Variants in CCN1 observed in about 807,000 individuals in gnomAD.
CCN1 encodes CCN family member 1.
Under a neutral mutation model 38.1 loss-of-function variants are expected in CCN1, and 12 were observed. The ratio of observed to expected loss-of-function variants is 0.31; its 90% CI spans 0.20 to 0.51. The LOEUF (loss-of-function observed/expected upper bound fraction) is 0.51, where lower values mean the gene tolerates loss of function less well. CCN1 is among the 20% of genes least tolerant of loss of function. The pLI is 0.97. For synonymous variants in CCN1, 202 were observed against 196.1 expected, an observed-to-expected ratio of 1.03 and a Z score of -0.25; for missense variants, 466 against 490.9, an observed-to-expected ratio of 0.95 and a Z score of 0.48.
In CCN1 at chr1:85,583,446, C is replaced by T. The variant is rs938687460; in HGVS notation, c.*404C>T. 1.2e-4 allele frequency: 21 copies of T among 182,438 alleles called. No homozygotes were observed. Among genetic ancestry groups the T allele is most frequent in the Admixed American group, 7.0e-4 (13 of 18,662 alleles). The allele number at this position is 182,438 out of a possible 1,614,324, so 11.3% of individuals were successfully genotyped here. A position where few individuals can be genotyped will look rare whatever the true frequency, so the allele number is the denominator to read the frequency against. On this transcript the variant is annotated 3_prime_UTR_variant, in exon 5 of 5. Transcript: ENST00000451137. ...TTTAAAGCTTTTATTCGTCCTTTGA[C>T]AAAAGTAAATGGGAGGGCATTCCAT...
rs1659815657 is a variant in CCN1 at position 85,582,622 on chromosome 1, AAAGT to A, written c.843+3_843+6del. ...TGGACAGCCAGTGTACAGCAGCCTGAAAGTAAGTTCCTTCAGGGACGTGTAGACT... is the reference window on the plus strand; with the variant it reads ...TGGACAGCCAGTGTACAGCAGCCTGAAAGTTCCTTCAGGGACGTGTAGACT... On this transcript the variant is annotated splice_donor_variant and coding_sequence_variant, in exon 4 of 5. Coordinates refer to ENST00000451137, the MANE Select transcript of CCN1 (RefSeq NM_001554.5). LOFTEE classifies it high-confidence loss of function. 1 of 1,614,042 alleles carries A rather than the reference AAAGT, an allele frequency of 6.2e-7. No individual in the cohort carries two copies. Among genetic ancestry groups the A allele is most frequent in the Admixed American group, 1.7e-5 (1 of 60,008 alleles).
At position 85,581,345 on chromosome 1, in the gene CCN1, G is replaced by T. The variant is rs575107561; in HGVS notation, c.64-20G>T. On this transcript the variant is annotated intron_variant, in intron 1 of 4. Transcript: ENST00000451137. ...CTGCGCACCGCGCCGAGTCTCACGCGTATCTTCTCCCCCTTCCAGGCGCTC... is the reference window on the plus strand; with the variant it reads ...CTGCGCACCGCGCCGAGTCTCACGCTTATCTTCTCCCCCTTCCAGGCGCTC... 5 of 1,553,508 alleles carry T rather than the reference G, an allele frequency of 3.2e-6. No individual in the cohort carries two copies. Among genetic ancestry groups the T allele is most frequent in the Middle Eastern group, 2.3e-4 (1 of 4,418 alleles).
Position 85,581,025 on chromosome 1 carries a change from C to G in CCN1, c.41C>G (p.Thr14Ser), listed in dbSNP as rs1042264485. 2 of 1,611,196 alleles carry G rather than the reference C, an allele frequency of 1.2e-6. No individual in the cohort carries two copies. The highest frequency in any genetic ancestry group is 4.5e-5 in the East Asian group (2 of 44,466). Residue 14 changes from threonine to serine, a missense_variant, in exon 1 of 5, where the codon ACC becomes AGC. By Grantham distance (58) the Thr-to-Ser change is moderately conservative. This residue lies in a region of CCN1 where 146 missense variants were observed against 141.1 expected (regional missense o/e 1.03). Transcript: ENST00000451137. ...GCCAGGGCGCTCGCCTTAGTCGTCACCCTTCTCCACTTGACCAGGCTGGTG... is the reference window on the plus strand; with the variant it reads ...GCCAGGGCGCTCGCCTTAGTCGTCAGCCTTCTCCACTTGACCAGGCTGGTG... Reference protein sequence around the residue: ...RIARALALVVTLLHLTRLALS... With the variant: ...RIARALALVVSLLHLTRLALS...
Position 85,582,276 on chromosome 1 carries a change from G to T in CCN1, c.626G>T (p.Arg209Leu). Residue 209 changes from arginine (R) to leucine (L), a missense_variant, in exon 3 of 5, where the codon CGG becomes CTG. Physicochemically the swap from Arg to Leu is moderately radical, Grantham distance 102. Around this residue, in one of 3 missense-constraint regions of CCN1, gnomAD observed 309 missense variants for 319.9 expected, o/e 0.97. Coordinates refer to ENST00000451137, the MANE Select transcript of CCN1 (RefSeq NM_001554.5). ...IAVGKGSSLK[R>L]LPVFGMEPRI... ...GTTGGAAAAGGCAGCTCACTGAAGC[G>T]GCTCCCTGGTAAGTGGAGACTGAGC... The T allele has an allele frequency of 1.2e-6, 2 of 1,614,152 alleles. No individual in the cohort carries two copies. The highest frequency in any genetic ancestry group is 1.7e-6 in the Non-Finnish European group (2 of 1,180,010).
chr1:85,582,472 G>C lies in CCN1; in HGVS notation c.691G>C (p.Val231Leu), dbSNP rs1330355761. 6.2e-7 allele frequency: 1 copy of C among 1,614,126 alleles called. No homozygotes were observed. Among genetic ancestry groups the C allele is most frequent in the Admixed American group, 1.7e-5 (1 of 60,022 alleles). ...YNPLQGQKCI[V>L]QTTSWSQCSK... is the part of the protein sequence containing the mutation. ...CCCTTTACAAGGCCAGAAATGTATTGTTCAAACAACTTCATGGTCCCAGTG... is the reference window on the plus strand; with the variant it reads ...CCCTTTACAAGGCCAGAAATGTATTCTTCAAACAACTTCATGGTCCCAGTG... The change falls in exon 4 of 5, where the codon GTT becomes CTT. Residue 231 changes from valine (V) to leucine (L), a missense_variant. Val to Leu is a conservative substitution (Grantham distance 32). Coordinates refer to ENST00000451137, the MANE Select transcript of CCN1 (RefSeq NM_001554.5).
At chr1:85,581,259 G>T in intron 1 of CCN1, 106 bp from the exon 2 acceptor site, 5 of 1,292,742 alleles carry the variant, frequency 3.9e-6, no homozygotes, top group Non-Finnish European at 4.2e-6. Flanking sequence ...CGAGATCAGA[G>T]GCTCCCCGTC....
In CCN1 at chr1:85,583,133, G is replaced by C. The variant is rs1457721990; in HGVS notation, c.*91G>C. ...TGGAGAAAATGGGCGGGGGTGGTGT[G>C]GGTGATGGGACTCATTGTAGAAAGG... On this transcript the variant is annotated 3_prime_UTR_variant, in exon 5 of 5. Coordinates refer to ENST00000451137, the MANE Select transcript of CCN1 (RefSeq NM_001554.5). The C allele has an allele frequency of 2.7e-5, 36 of 1,347,982 alleles. No individual in the cohort carries two copies. The highest frequency in any genetic ancestry group is 3.7e-5 in the Non-Finnish European group (36 of 973,934). 83.5% of individuals were successfully genotyped at this position (1,347,982 alleles called of 1,614,324 possible).
rs1213895917 is a variant in CCN1, at chr1:85,580,765, C to G, written c.-220C>G. 1.9e-5 allele frequency: 7 copies of G among 371,148 alleles called. No individual in the cohort carries two copies. Among genetic ancestry groups the G allele is most frequent in the African/African-American group, 8.5e-5 (4 of 47,220 alleles). The allele number at this position is 371,148 out of a possible 1,614,324, so 23.0% of individuals were successfully genotyped here. On this transcript the variant is annotated 5_prime_UTR_variant, in exon 1 of 5. Coordinates refer to ENST00000451137, the MANE Select transcript of CCN1 (RefSeq NM_001554.5). ...CGGGCTCCGGGGCGCCTGGGCAGAC[C>G]GCGAGCGAGAGCGCCCCCGAGCAGC...
In CCN1 at chr1:85,580,923, G is replaced by T; in HGVS notation, c.-62G>T. ...CCCCGCTGCGCACGGCCTGTCCGCT[G>T]CACACCAGCTTGTTGGCGTCTTCGT... On this transcript the variant is annotated 5_prime_UTR_variant, in exon 1 of 5. Transcript: ENST00000451137. 2 of 1,486,438 alleles carry T rather than the reference G, an allele frequency of 1.3e-6. No individual in the cohort carries two copies. The highest frequency in any genetic ancestry group is 1.8e-6 in the Non-Finnish European group (2 of 1,119,156). The allele number at this position is 1,486,438 out of a possible 1,614,324, so 92.1% of individuals were successfully genotyped here. A position where few individuals can be genotyped will look rare whatever the true frequency, so the allele number is the denominator to read the frequency against.
rs373464414 is a variant in CCN1, at chr1:85,582,306, C to T, written c.634+22C>T. The stretch of plus-strand genomic sequence containing the variant: ...CCTGGTAAGTGGAGACTGAGCACTT[C>T]AGACACTGTACTGAGATGCATTTCT... On this transcript the variant is annotated intron_variant, in intron 3 of 4. Coordinates refer to ENST00000451137, the MANE Select transcript of CCN1 (RefSeq NM_001554.5). 80 of 1,613,816 alleles carry T rather than the reference C, an allele frequency of 5.0e-5. 2 individuals carry two copies. In the South Asian group the frequency reaches 8.6e-4, roughly 17 times the overall value.
At chr1:85,581,654 C>A in intron 2 of CCN1, 76 bp downstream of exon 2, 1 of 1,500,820 alleles carries the variant, frequency 6.7e-7, no homozygotes, top group South Asian at 1.2e-5. Flanking sequence ...ATTCTGAGAC[C>A]ATGTATGGTG....
Position 85,582,886 on chromosome 1 carries a change from T to A in CCN1, c.990T>A (p.Thr330=). ...GRCCTPQLTR[T]VKMRFRCEDG... is the part of the protein sequence containing the mutation. ...GCTGCACGCCCCAGCTGACCAGGAC[T>A]GTGAAGATGCGGTTCCGCTGCGAAG... Residue 330 remains threonine (T), a synonymous_variant, in exon 5 of 5, where the codon ACT becomes ACA. Transcript: ENST00000451137. The A allele has an allele frequency of 6.2e-7, 1 of 1,614,170 alleles. No homozygotes were observed. The highest frequency in any genetic ancestry group is 1.1e-5 in the South Asian group (1 of 91,084).
intron 2 of CCN1, 27 bp downstream of exon 2, chr1:85,581,605 T>TA (rs757430397): frequency 1.4e-5 from 22 of 1,594,594 alleles, no homozygotes; most frequent in East Asian, 6.7e-5. Context: ...TTGGCCCCTT[T>TA]AAAAAAAATA....
rs1185688342 is a variant in CCN1 at position 85,580,899 on chromosome 1, C to CCCGCTGCGCACGGCCTGT, written c.-78_-61dup. On this transcript the variant is annotated 5_prime_UTR_variant, in exon 1 of 5. Coordinates refer to ENST00000451137, the MANE Select transcript of CCN1 (RefSeq NM_001554.5). ...GGGCCCACCGCGCCGCCACCCCGAC[C>CCCGCTGCGCACGGCCTGT]CCGCTGCGCACGGCCTGTCCGCTGC... 3.5e-4 allele frequency: 460 copies of CCCGCTGCGCACGGCCTGT among 1,306,108 alleles called. No individual in the cohort carries two copies. The African/African-American group carries it at 5.5e-3, about 16-fold the overall frequency. 80.9% of individuals were successfully genotyped at this position (1,306,108 alleles called of 1,614,324 possible).
At position 85,583,248 on chromosome 1, in the gene CCN1, GA is replaced by G; in HGVS notation, c.*208del. 1.7e-6 allele frequency: 1 copy of G among 595,360 alleles called. No homozygotes were observed. The highest frequency in any genetic ancestry group is 2.9e-6 in the Non-Finnish European group (1 of 339,724). The allele number at this position is 595,360 out of a possible 1,614,324, so 36.9% of individuals were successfully genotyped here. Reference sequence around the variant, plus strand: ...GGACACTAATGCAGCCACGATTGGAGAATACTTTGCTTCATAGTATTGGAGC... The same window carrying G: ...GGACACTAATGCAGCCACGATTGGAGATACTTTGCTTCATAGTATTGGAGC... On this transcript the variant is annotated 3_prime_UTR_variant, in exon 5 of 5. Coordinates refer to ENST00000451137, the MANE Select transcript of CCN1 (RefSeq NM_001554.5).
At chr1:85,581,071 A>G in intron 1 of CCN1, 24 bp downstream of exon 1, 1 of 1,599,664 alleles carries the variant, frequency 6.3e-7, no homozygotes, top group African/African-American at 1.3e-5. Context: ...TCCTTTTGCC[A>G]CCTATTCCCC....
chr1:85,581,447 G>C lies in CCN1; in HGVS notation c.146G>C (p.Gly49Ala). The C allele has an allele frequency of 6.2e-7, 1 of 1,610,244 alleles. No homozygotes were observed. Among genetic ancestry groups the C allele is most frequent in the South Asian group, 1.1e-5 (1 of 90,544 alleles). Residue 49 changes from glycine (G) to alanine (A), a missense_variant, in exon 2 of 5, where the codon GGC (glycine) becomes GCC (alanine). Coordinates refer to ENST00000451137, the MANE Select transcript of CCN1 (RefSeq NM_001554.5). Reference protein sequence around the residue: ...CAPGVGLVRDGCGCCKVCAKQ... With the variant: ...CAPGVGLVRDACGCCKVCAKQ... ...CCGGGAGTCGGGCTGGTCCGGGACGGCTGCGGCTGCTGTAAGGTCTGCGCC... is the reference window on the plus strand; with the variant it reads ...CCGGGAGTCGGGCTGGTCCGGGACGCCTGCGGCTGCTGTAAGGTCTGCGCC...
chr1:85,581,346 T>A lies in CCN1; in HGVS notation c.64-19T>A. 1 of 1,555,304 alleles carries A rather than the reference T, an allele frequency of 6.4e-7. No homozygotes were observed. The highest frequency in any genetic ancestry group is 8.7e-7 in the Non-Finnish European group (1 of 1,152,200). On this transcript the variant is annotated intron_variant, in intron 1 of 4. Transcript: ENST00000451137. ...TGCGCACCGCGCCGAGTCTCACGCG[T>A]ATCTTCTCCCCCTTCCAGGCGCTCT...
At chr1:85,581,252 G>A (rs1659784715) in intron 1 of CCN1, 113 bp from the exon 2 acceptor site, 3 of 1,275,832 alleles carry the variant, frequency 2.4e-6, no homozygotes, top group Admixed American at 4.8e-5. Flanking sequence ...GGCTGGACGA[G>A]ATCAGAGGCT....
Sources: allele counts gnomAD v4.1 joint callset, GRCh38; gene constraint gnomAD v4.1.1; regional missense constraint gnomAD v4.1.1; transcripts MANE v1.5; gene names NCBI Gene and HGNC (gene_info 2026-07-23, HGNC 2026-07-21).